The following TMPRSS9 variants were observed in gnomAD, a reference collection of about 807,000 sequenced individuals.
TMPRSS9 encodes transmembrane serine protease 9.
TMPRSS9 carries 113 observed loss-of-function variants against 111.4 expected under a neutral mutation model. The observed-to-expected ratio is 1.01, with a 90% CI of 0.87 to 1.19. TMPRSS9 has a LOEUF of 1.19. Among genes scored for constraint, TMPRSS9 ranks in the 50% most tolerant of loss-of-function variants. TMPRSS9 has a pLI of 0.00. For missense variants in TMPRSS9, 1,803 were observed against 1,513.1 expected (o/e 1.19, Z -3.18); for synonymous variants, 805 against 659.1 (o/e 1.22, Z -3.39).
chr19:2,416,342 C>T lies in TMPRSS9; in HGVS notation c.1746-196C>T, dbSNP rs1441917522. The T allele has an allele frequency of 4.3e-6, 3 of 692,326 alleles. No individual in the cohort carries two copies. In the African/African-American group the frequency reaches 5.4e-5, roughly 12 times the overall value. 42.9% of individuals were successfully genotyped at this position (692,326 alleles called of 1,614,324 possible). A position where few individuals can be genotyped will look rare whatever the true frequency, so the allele number is the denominator to read the frequency against. On this transcript the variant is annotated intron_variant, in intron 11 of 17. Transcript: ENST00000648592. ...CCCTGACTTGTCCGAGGTCCCCCAG[C>T]TTGGGATCCTTTTCAGGAGGAGCCC...
At chr19:2,425,706 A>G in intron 17 of TMPRSS9, 1 of 1,183,668 alleles carries the variant, frequency 8.4e-7, no homozygotes, top group South Asian at 1.8e-5. Context: ...CCTCGGCGGC[A>G]GAGCAGGCAG....
At chr19:2,394,655 A>G (rs1049781323) in intron 1 of TMPRSS9, among the ~76,000 whole-genome samples, 21 of 152,260 alleles carry the variant, frequency 1.4e-4, no homozygotes, top group Admixed American at 5.2e-4. Flanking sequence ...AGAATATTCT[A>G]TCTACTGAAT....
At chr19:2,425,695 G>C in intron 17 of TMPRSS9, 2 of 1,219,218 alleles carry the variant, frequency 1.6e-6, no homozygotes, top group Non-Finnish European at 2.2e-6. Flanking sequence ...CCATCCCCGG[G>C]CCTCGGCGGC....
At chr19:2,403,363 G>A (rs1168073245) in intron 6 of TMPRSS9, among the ~76,000 whole-genome samples, 168 bp downstream of exon 7, 1 of 152,148 alleles carries the variant, frequency 6.6e-6, no homozygotes, top group Non-Finnish European at 1.5e-5. Context: ...GGAGAAACAT[G>A]AGCAAACAGC....
At chr19:2,410,289 T>C (rs1463516878) in exon 9 of TMPRSS9, 4 of 1,614,020 alleles carry the variant, frequency 2.5e-6, no homozygotes, top group Middle Eastern at 1.6e-4. Context: ...AGAAAGCCAC[T>C]GTGGAGCTGC....
intron 13 of TMPRSS9, among the ~76,000 whole-genome samples, chr19:2,420,689 A>G (rs1215813974): frequency 1.3e-5 from 2 of 152,092 alleles, no homozygotes; most frequent in African/African-American, 2.4e-5. Context: ...CCTCTCTGGG[A>G]CTCTGATCCC....
In TMPRSS9 at chr19:2,390,176, G is replaced by T. The variant is rs888041789; in HGVS notation, c.142+249G>T. On this transcript the variant is annotated intron_variant, in intron 1 of 17. Transcript: ENST00000648592. ...ACAGCTGGGGTGACAGAGAAACAGA[G>T]ACAGGGAAATGACCTTGTTTTAAAT... is the stretch of plus-strand genomic sequence containing the variant. Among the ~76,000 whole-genome samples the T allele has an allele frequency of 6.6e-5, 10 of 150,762 alleles. No individual in the cohort carries two copies. The East Asian group carries it at 1.9e-3, about 29-fold the overall frequency.
chr19:2,424,089 A>G, exon 15 of TMPRSS9: 1 of 1,290,520 alleles, frequency 7.7e-7, no homozygotes, highest in Non-Finnish European at 9.8e-7. Context: ...TCCCCCGCAG[A>G]CTGTGGCCTG....
At chr19:2,386,055 C>T (rs1336102397), upstream of TMPRSS9, among the ~76,000 whole-genome samples, 2 of 152,046 alleles carry the variant, frequency 1.3e-5, no homozygotes, top group East Asian at 1.9e-4. Context: ...AGCAGTCCTC[C>T]CACCTCAGCC....
chr19:2,363,425 C>T (rs1008840209), intron 1 of TMPRSS9, among the ~76,000 whole-genome samples: 1 of 149,666 alleles, frequency 6.7e-6, no homozygotes, highest in African/African-American at 2.5e-5. Flanking sequence ...GTAGATGGAT[C>T]GCAGGTGAGG....
At chr19:2,361,704 C>A (rs1448721526) in intron 1 of TMPRSS9, among the ~76,000 whole-genome samples, 3 of 152,188 alleles carry the variant, frequency 2.0e-5, no homozygotes, top group Non-Finnish European at 4.4e-5. Flanking sequence ...GGCCCAGGGA[C>A]CTTCGACTTC....
chr19:2,389,080 T>G (rs923683268), upstream of TMPRSS9, among the ~76,000 whole-genome samples: 1 of 151,164 alleles, frequency 6.6e-6, no homozygotes, highest in African/African-American at 2.4e-5. Flanking sequence ...TTCCACCTTT[T>G]TTTTTTTTTT....
At chr19:2,374,219 T>G (rs2145250619) in intron 1 of TMPRSS9, among the ~76,000 whole-genome samples, 1 of 148,708 alleles carries the variant, frequency 6.7e-6, no homozygotes, top group South Asian at 2.2e-4. Context: ...TGCCTGTCCA[T>G]TAATTTCATG....
exon 1 of TMPRSS9, chr19:2,389,873 A>G (rs1970548942): frequency 1.9e-6 from 3 of 1,613,934 alleles, no homozygotes; most frequent in Non-Finnish European, 2.5e-6. Flanking sequence ...TCGAGCGGCC[A>G]GCATTGGCGT....
At chr19:2,392,363 A>C (rs565090736) in intron 1 of TMPRSS9, among the ~76,000 whole-genome samples, 1 of 151,372 alleles carries the variant, frequency 6.6e-6, no homozygotes. Flanking sequence ...ACTGCACTCC[A>C]GCTTGGGAGA....
Position 2,422,195 on chromosome 19 carries a change from A to ACAGACGCCATTTC in TMPRSS9, c.2505_2517dup (p.Pro840IlefsTer207). On this transcript the variant is annotated frameshift_variant, in exon 14 of 18. Transcript: ENST00000648592. LOFTEE classifies it high-confidence loss of function. ...CTGCCGTGAGCACCACTGCTAGGGGACAGACGCCATTTCCAGACGCCCCGG... is the reference window on the plus strand; with the variant it reads ...CTGCCGTGAGCACCACTGCTAGGGGACAGACGCCATTTCCAGACGCCATTTCCAGACGCCCCGG... 1 of 1,536,414 alleles carries ACAGACGCCATTTC rather than the reference A, an allele frequency of 6.5e-7. No homozygotes were observed. The highest frequency in any genetic ancestry group is 8.8e-7 in the Non-Finnish European group (1 of 1,141,684).
rs1376293861 is a variant in TMPRSS9 at position 2,416,549 on chromosome 19, A to G, written c.1757A>G (p.Glu586Gly). ...CCCTGTCTCCATAGCACGAAGGTGG[A>G]GCAGGTTCGGGCCCACCTGGGCACT... The change falls in exon 12 of 18, where the codon GAG becomes GGG. Residue 586 changes from glutamate to glycine, a missense_variant. Coordinates refer to ENST00000648592, the Ensembl canonical transcript of TMPRSS9. 10 of 1,608,338 alleles carry G rather than the reference A, an allele frequency of 6.2e-6. No individual in the cohort carries two copies. The African/African-American group carries it at 9.3e-5, about 15-fold the overall frequency.
In TMPRSS9 at chr19:2,422,256, A is replaced by C; in HGVS notation, c.2548+9A>C. The C allele has an allele frequency of 1.3e-6, 2 of 1,499,544 alleles. No individual in the cohort carries two copies. The highest frequency in any genetic ancestry group is 2.7e-5 in the South Asian group (2 of 74,732). The allele number at this position is 1,499,544 out of a possible 1,614,324, so 92.9% of individuals were successfully genotyped here. On this transcript the variant is annotated intron_variant, in intron 14 of 17. Transcript: ENST00000648592. Reference sequence around the variant, plus strand: ...ACACACCCAGCTACCAGGTACCGGGAGAGACGGAGGGATCCCTGGGAGTGG... The same window carrying C: ...ACACACCCAGCTACCAGGTACCGGGCGAGACGGAGGGATCCCTGGGAGTGG...
intron 12 of TMPRSS9, among the ~76,000 whole-genome samples, chr19:2,417,636 A>G (rs1385831131): frequency 6.6e-6 from 1 of 152,138 alleles, no homozygotes; most frequent in Non-Finnish European, 1.5e-5. Context: ...CAACAGAGCA[A>G]GACCCTGTCT....
Sources: gnomAD v4.1 joint callset for allele counts (sites outside exome capture counted in the v4.1 genomes callset) on GRCh38, gnomAD v4.1.1 for gene constraint, MANE v1.5 for transcripts, NCBI Gene and HGNC (gene_info 2026-07-23, HGNC 2026-07-21) for gene names.